TBC1D22A: variants seen among roughly 807,000 people sequenced by gnomAD.
TBC1D22A encodes putative GTPase activator.
TBC1D22A carries 38 observed loss-of-function variants against 60.2 expected under a neutral mutation model. The ratio of observed to expected loss-of-function variants is 0.63; its 90% CI spans 0.49 to 0.83. TBC1D22A has a LOEUF of 0.83. Ranked by LOEUF, TBC1D22A falls within the 40% of genes least tolerant of loss-of-function variation. The pLI is 0.00. For synonymous variants in TBC1D22A, 302 were observed against 281.7 expected (o/e 1.07, Z -0.72); for missense variants, 628 against 701.0 (o/e 0.90, Z 1.18).
chr22:46,852,040 G>T (rs1163041743), intron 4 of TBC1D22A, among the ~76,000 whole-genome samples: 1 of 152,210 alleles, frequency 6.6e-6, no homozygotes. Flanking sequence ...TGCTTCGTGG[G>T]CACTGTGGTG....
intron 8 of TBC1D22A, among the ~76,000 whole-genome samples, chr22:46,968,027 G>T (rs2073891888): frequency 6.6e-6 from 1 of 152,246 alleles, no homozygotes; most frequent in South Asian, 2.1e-4. Context: ...GGGGGGCCGT[G>T]AGGGAAATGA....
intron 11 of TBC1D22A, among the ~76,000 whole-genome samples, chr22:47,091,266 G>A (rs959370599): frequency 1.6e-5 from 2 of 126,426 alleles, no homozygotes; most frequent in Admixed American, 1.7e-4. Context: ...CAGAGGTTGT[G>A]GCTGCTTGTT....
At position 46,913,474 on chromosome 22, in the gene TBC1D22A, C is replaced by T. The variant is rs754254884; in HGVS notation, c.1015+1286C>T. 3.0e-6 allele frequency: 4 copies of T among 1,338,810 alleles called. No homozygotes were observed. In the South Asian group the frequency reaches 4.8e-5, roughly 16 times the overall value. 82.9% of individuals were successfully genotyped at this position (1,338,810 alleles called of 1,614,324 possible). On this transcript the variant is annotated intron_variant, in intron 8 of 12. Coordinates refer to ENST00000337137, the MANE Select transcript of TBC1D22A (RefSeq NM_014346.5). ...AGTGAATTTTACTGCAGCCCTCTGA[C>T]ACTTTGTTTCCATTTGTGATTTCAT... is the stretch of plus-strand genomic sequence containing the variant.
chr22:47,161,471 C>T (rs986179387), intron 12 of TBC1D22A, among the ~76,000 whole-genome samples: 12 of 152,192 alleles, frequency 7.9e-5, no homozygotes, highest in African/African-American at 1.9e-4. Context: ...ATAAACATTT[C>T]GTTACATGGA....
chr22:46,930,035 G>T (rs999321141), intron 8 of TBC1D22A, among the ~76,000 whole-genome samples: 3 of 152,142 alleles, frequency 2.0e-5, no homozygotes, highest in Non-Finnish European at 4.4e-5. Flanking sequence ...TGCAGAGGAC[G>T]ATGTTAGCAT....
chr22:46,913,938 G>A (rs1324554811), intron 8 of TBC1D22A: 1 of 237,322 alleles, frequency 4.2e-6, no homozygotes. Context: ...TGTCCTATAA[G>A]TGGTGTCTTC....
intron 8 of TBC1D22A, among the ~76,000 whole-genome samples, chr22:46,924,279 G>C (rs2070920572): frequency 6.6e-6 from 1 of 152,174 alleles, no homozygotes; most frequent in Non-Finnish European, 1.5e-5. Flanking sequence ...TGTTGGTTGT[G>C]CTGCAGGCGA....
chr22:46,977,796 C>T (rs1052224345), intron 9 of TBC1D22A, among the ~76,000 whole-genome samples: 2 of 152,108 alleles, frequency 1.3e-5, no homozygotes, highest in African/African-American at 4.8e-5. Flanking sequence ...GGAGGTGCCA[C>T]ACACTTTTAA....
intron 5 of TBC1D22A, among the ~76,000 whole-genome samples, chr22:46,887,775 C>T (rs1198174401): frequency 2.6e-5 from 4 of 152,136 alleles, no homozygotes; most frequent in Admixed American, 2.6e-4. Flanking sequence ...TGATAATGCA[C>T]ACGATTTTGG....
intron 8 of TBC1D22A, among the ~76,000 whole-genome samples, chr22:46,924,430 A>C (rs2070929905): frequency 6.6e-6 from 1 of 152,268 alleles, no homozygotes; most frequent in African/African-American, 2.4e-5. Context: ...CAATGGGATT[A>C]GAATAAATAG....
chr22:46,811,014 T>G (rs934767781), intron 4 of TBC1D22A, among the ~76,000 whole-genome samples: 1 of 152,246 alleles, frequency 6.6e-6, no homozygotes, highest in Non-Finnish European at 1.5e-5. Flanking sequence ...CCAGGCTGTG[T>G]GTCAGAGTCC....
Position 46,821,308 on chromosome 22 carries a change from T to C in TBC1D22A, c.637+23688T>C, listed in dbSNP as rs539583336. Reference sequence around the variant, plus strand: ...GCTATCTGGTTATTTTGCACACTAGTTGATGCAGTTGCTTCATAGTGTCAT... The same window carrying C: ...GCTATCTGGTTATTTTGCACACTAGCTGATGCAGTTGCTTCATAGTGTCAT... On this transcript the variant is annotated intron_variant, in intron 4 of 12. Coordinates refer to ENST00000337137, the MANE Select transcript of TBC1D22A (RefSeq NM_014346.5). Among the ~76,000 whole-genome samples, 3 of 152,334 alleles carry C rather than the reference T, an allele frequency of 2.0e-5. No homozygotes were observed. The East Asian group carries it at 5.8e-4, about 29-fold the overall frequency.
At chr22:46,824,865 G>A (rs1010334408) in intron 4 of TBC1D22A, among the ~76,000 whole-genome samples, 12 of 152,076 alleles carry the variant, frequency 7.9e-5, no homozygotes. Context: ...GACGGAATTT[G>A]GCTTGGGACA....
chr22:47,084,660 G>T lies in TBC1D22A; in HGVS notation c.1330-26848G>T, dbSNP rs142280155. On this transcript the variant is annotated intron_variant, in intron 11 of 12. Coordinates refer to ENST00000337137, the MANE Select transcript of TBC1D22A (RefSeq NM_014346.5). ...CAGAATGGATAAACTGTGGAGTATT[G>T]TTGGGGAAATGAAAATTAATAATAG... 3.9e-3 allele frequency among the ~76,000 whole-genome samples: 587 copies of T among 152,288 alleles called. 7 individuals carry two copies. The highest frequency in any genetic ancestry group is 0.012 in the African/African-American group (513 of 41,570).
intron 11 of TBC1D22A, among the ~76,000 whole-genome samples, chr22:47,095,189 T>C (rs754458827): frequency 2.5e-4 from 38 of 152,276 alleles, no homozygotes; most frequent in Admixed American, 4.6e-4. Flanking sequence ...AAGGAAATCA[T>C]AGCAAAGATT....
At chr22:47,134,746 G>A (rs188578548) in intron 12 of TBC1D22A, among the ~76,000 whole-genome samples, 19 of 152,002 alleles carry the variant, frequency 1.2e-4, no homozygotes, top group Non-Finnish European at 2.1e-4. Context: ...AGAATTCCTC[G>A]TGCTGTGTGG....
At chr22:47,110,907 A>G (rs1385248265) in intron 11 of TBC1D22A, among the ~76,000 whole-genome samples, 1 of 152,212 alleles carries the variant, frequency 6.6e-6, no homozygotes, top group Non-Finnish European at 1.5e-5. Flanking sequence ...AGATATCTCA[A>G]GAAGGGGGAG....
At chr22:47,111,379 T>C (rs1269022115) in intron 11 of TBC1D22A, 129 bp from the exon 12 acceptor site, 2 of 731,802 alleles carry the variant, frequency 2.7e-6, no homozygotes, top group East Asian at 5.3e-5. Context: ...TAAGTAAAAG[T>C]GAGTCAACAC....
chr22:46,828,463 C>T (rs2086166889), intron 4 of TBC1D22A, among the ~76,000 whole-genome samples: 1 of 152,260 alleles, frequency 6.6e-6, no homozygotes, highest in Non-Finnish European at 1.5e-5. Context: ...TGTTGCATTT[C>T]TCTACCCACT....
Sources: gnomAD v4.1 joint callset for allele counts (sites outside exome capture counted in the v4.1 genomes callset) on GRCh38, gnomAD v4.1.1 for gene constraint, MANE v1.5 for transcripts, NCBI Gene and HGNC (gene_info 2026-07-23, HGNC 2026-07-21) for gene names.